The following MEIS2 variants were observed in gnomAD, a reference collection of about 807,000 sequenced individuals.
MEIS2 encodes the protein Meis homeobox 2.
MEIS2 carries 9 observed loss-of-function variants against 58.6 expected under a neutral mutation model. The ratio of observed to expected loss-of-function variants is 0.15; its 90% confidence interval spans 0.09 to 0.27. The LOEUF is 0.27. MEIS2 is among the 10% of genes least tolerant of loss of function. MEIS2 has a pLI of 1.00. For synonymous variants in MEIS2, 221 were observed against 228.4 expected (o/e 0.97, Z 0.29); for missense variants, 427 against 635.0 (o/e 0.67, Z 3.52).
chr15:36,956,383 CATT>C (rs2058976200), intron 8 of MEIS2, among the ~76,000 whole-genome samples: 1 of 152,006 alleles, frequency 6.6e-6, no homozygotes, highest in Non-Finnish European at 1.5e-5. Context: ...TCCACTCTAA[CATT>C]AATATTTTTA....
chr15:36,903,445 T>C (rs1055783550), intron 9 of MEIS2, among the ~76,000 whole-genome samples: 5 of 152,212 alleles, frequency 3.3e-5, no homozygotes, highest in Non-Finnish European at 5.9e-5. Flanking sequence ...TTATTGCAGA[T>C]GGAAGTCAAC....
At chr15:36,970,951 G>T (rs927248227) in intron 8 of MEIS2, among the ~76,000 whole-genome samples, 2 of 151,916 alleles carry the variant, frequency 1.3e-5, no homozygotes, top group Non-Finnish European at 2.9e-5. Context: ...TATAAAATGT[G>T]TTTAAAGCAA....
intron 7 of MEIS2, among the ~76,000 whole-genome samples, chr15:37,057,477 A>C (rs1026810074): frequency 6.6e-6 from 1 of 152,142 alleles, no homozygotes; most frequent in Non-Finnish European, 1.5e-5. Flanking sequence ...GTCGGAGTGC[A>C]GCTGCCATTC....
intron 8 of MEIS2, among the ~76,000 whole-genome samples, chr15:36,965,900 T>C (rs1016631370): frequency 5.9e-5 from 9 of 152,104 alleles, no homozygotes; most frequent in African/African-American, 2.2e-4. Context: ...CAAAAACTTA[T>C]AAAGAAATTC....
intron 3 of MEIS2, 21 bp from the exon 4 acceptor site, chr15:37,095,635 A>T (rs576505393): frequency 6.2e-7 from 1 of 1,614,198 alleles, no homozygotes; most frequent in Non-Finnish European, 8.5e-7. Flanking sequence ...CAGAGAGTCA[A>T]CTTGAACGAT....
At chr15:37,089,175 G>C (rs1276814899) in intron 6 of MEIS2, among the ~76,000 whole-genome samples, 1 of 152,044 alleles carries the variant, frequency 6.6e-6, no homozygotes, top group Non-Finnish European at 1.5e-5. Context: ...ATCGGAATAG[G>C]CCCCAGAGGC....
In MEIS2 at chr15:36,950,407, G is replaced by A; in HGVS notation, c.901-7C>T. Reference sequence around the variant, plus strand: ...CTTCGGAAGGGTACGGATGCTAATGGAAAAACAAATGTTTTAAAAGATGGA... The same window carrying A: ...CTTCGGAAGGGTACGGATGCTAATGAAAAAACAAATGTTTTAAAAGATGGA... On this transcript the variant is annotated splice_region_variant and splice_polypyrimidine_tract_variant and intron_variant, in intron 8 of 11. Transcript: ENST00000561208. 1 of 1,611,354 alleles carries A rather than the reference G, an allele frequency of 6.2e-7. No individual in the cohort carries two copies. Among genetic ancestry groups the A allele is most frequent in the African/African-American group, 1.3e-5 (1 of 74,874 alleles).
chr15:37,053,669 A>G lies in MEIS2; in HGVS notation c.755-16710T>C, dbSNP rs186468062. 8.5e-4 allele frequency among the ~76,000 whole-genome samples: 130 copies of G among 152,350 alleles called. 1 individual carries two copies. The East Asian group carries it at 0.017, about 20-fold the overall frequency. On this transcript the variant is annotated intron_variant, in intron 7 of 11. Transcript: ENST00000561208. ...TGCTGTATTATTTAAATGATAAAAA[A>G]TGTGAAAACAACTATATAACCAAGA...
intron 8 of MEIS2, among the ~76,000 whole-genome samples, chr15:36,971,537 T>TAAAAAAAAAAAAAAAAAAAAAAAA (rs71126247): frequency 1.5e-5 from 1 of 67,114 alleles, no homozygotes; most frequent in Non-Finnish European, 2.6e-5. Context: ...CTTGTTACAT[T>TAAAAAAAAAAAAAAAAAAAAAAAA]AAAAAAAAAA....
chr15:36,993,966 G>T (rs1255893285), intron 8 of MEIS2, among the ~76,000 whole-genome samples: 1 of 152,096 alleles, frequency 6.6e-6, no homozygotes, highest in Non-Finnish European at 1.5e-5. Context: ...GTGTGAAGTT[G>T]AGATGATTTT....
At chr15:37,093,959 G>A in intron 5 of MEIS2, 1 of 509,088 alleles carries the variant, frequency 2.0e-6, no homozygotes, top group African/African-American at 1.9e-5. Flanking sequence ...TGAGCAACAA[G>A]TTACAATAGA....
At chr15:36,970,143 C>A (rs2059489042) in intron 8 of MEIS2, among the ~76,000 whole-genome samples, 1 of 152,164 alleles carries the variant, frequency 6.6e-6, no homozygotes, top group Non-Finnish European at 1.5e-5. Flanking sequence ...GTGGCTCACG[C>A]TTGTAATCCC....
At chr15:36,914,331 G>A (rs577237272) in intron 9 of MEIS2, among the ~76,000 whole-genome samples, 1 of 152,188 alleles carries the variant, frequency 6.6e-6, no homozygotes, top group Non-Finnish European at 1.5e-5. Context: ...ACTGAACTTT[G>A]GCATACTGCA....
At chr15:36,982,002 G>A (rs971015387) in intron 8 of MEIS2, among the ~76,000 whole-genome samples, 4 of 152,002 alleles carry the variant, frequency 2.6e-5, no homozygotes, top group African/African-American at 9.7e-5. Flanking sequence ...TACACCATGG[G>A]CTCCCCTGGT....
chr15:36,949,890 G>T (rs1350305766), intron 9 of MEIS2, among the ~76,000 whole-genome samples: 1 of 151,878 alleles, frequency 6.6e-6, no homozygotes, highest in Non-Finnish European at 1.5e-5. Context: ...ATACTAAAAA[G>T]CCTGTATCTA....
chr15:36,924,796 G>C (rs930421017), intron 9 of MEIS2, among the ~76,000 whole-genome samples: 1 of 152,196 alleles, frequency 6.6e-6, no homozygotes, highest in Non-Finnish European at 1.5e-5. Context: ...CCCTGACAAA[G>C]AAGTGGGGTG....
At chr15:36,961,529 G>A (rs1205606) in intron 8 of MEIS2, among the ~76,000 whole-genome samples, 60,618 of 151,910 alleles carry the variant, frequency 0.4, 12,285 homozygotes, top group Non-Finnish European at 0.44. Context: ...CTAAAAGAAA[G>A]TACAGACATA....
At chr15:36,964,763 G>A (rs756709384) in intron 8 of MEIS2, among the ~76,000 whole-genome samples, 11 of 152,104 alleles carry the variant, frequency 7.2e-5, no homozygotes, top group Non-Finnish European at 1.3e-4. Flanking sequence ...GATACATTTT[G>A]GAAACACTCA....
intron 7 of MEIS2, among the ~76,000 whole-genome samples, chr15:37,080,319 A>T (rs1177837811): frequency 6.6e-6 from 1 of 152,146 alleles, no homozygotes; most frequent in Non-Finnish European, 1.5e-5. Flanking sequence ...TCAACATCTC[A>T]ATTACAGCAC....
Sources: allele counts gnomAD v4.1 joint callset (sites outside exome capture counted in the v4.1 genomes callset), GRCh38; gene constraint gnomAD v4.1.1; transcripts MANE v1.5; gene names NCBI Gene and HGNC (gene_info 2026-07-23, HGNC 2026-07-21).